CAMTA1: variants seen among roughly 807,000 people sequenced by gnomAD.
CAMTA1 encodes calmodulin-binding transcription activator 1.
In CAMTA1, 27 loss-of-function variants were observed where a neutral mutation model predicts 170.9. The observed-to-expected ratio is 0.16, with a 90% CI of 0.12 to 0.22. The LOEUF (loss-of-function observed/expected upper bound fraction) is 0.22. Ranked by LOEUF, CAMTA1 falls within the 10% of genes least tolerant of loss-of-function variation. The pLI, the probability that CAMTA1 is intolerant of heterozygous loss-of-function variation, is 1.00. For missense variants in CAMTA1, 1,619 were observed against 2,217.2 expected (o/e 0.73, Z 5.42); for synonymous variants, 833 against 891.5 (o/e 0.93, Z 1.17).
intron 3 of CAMTA1, among the ~76,000 whole-genome samples, chr1:6,896,210 C>G (rs1356462514): frequency 1.3e-5 from 2 of 152,150 alleles, no homozygotes; most frequent in African/African-American, 2.4e-5. Flanking sequence ...AATGCTTGTA[C>G]TTAAACAGAA....
chr1:7,579,797 C>G (rs1490077819), intron 6 of CAMTA1, among the ~76,000 whole-genome samples: 1 of 152,062 alleles, frequency 6.6e-6, no homozygotes, highest in Non-Finnish European at 1.5e-5. Flanking sequence ...TGACCTCAAG[C>G]AATCCACCAG....
intron 11 of CAMTA1, chr1:7,698,715 G>C (rs1444560575): frequency 6.6e-6 from 1 of 152,386 alleles, no homozygotes; most frequent in South Asian, 2.1e-4. Flanking sequence ...TTCTCGCCAG[G>C]ATCCCCAGCT....
At chr1:6,906,156 G>A (rs1381301194) in intron 3 of CAMTA1, among the ~76,000 whole-genome samples, 5 of 138,650 alleles carry the variant, frequency 3.6e-5, no homozygotes, top group African/African-American at 1.3e-4. Flanking sequence ...TAAGAAGAGG[G>A]ATTCCCTCTT....
intron 5 of CAMTA1, among the ~76,000 whole-genome samples, chr1:7,374,697 G>A (rs59804293): frequency 0.048 from 7,339 of 152,284 alleles, 369 homozygotes; most frequent in African/African-American, 0.13. Context: ...GGGCATGCAC[G>A]CTCACCAGAT....
In CAMTA1 at chr1:6,949,845, G is replaced by T. The variant is rs75798809; in HGVS notation, c.234+124635G>T. Reference sequence around the variant, plus strand: ...TGACCAGGCCTTCTGCCCTCGGCACGCCAGGCCCTTCTGCGTCATTATCTC... The same window carrying T: ...TGACCAGGCCTTCTGCCCTCGGCACTCCAGGCCCTTCTGCGTCATTATCTC... On this transcript the variant is annotated intron_variant, in intron 3 of 22. Coordinates refer to ENST00000303635, the MANE Select transcript of CAMTA1 (RefSeq NM_015215.4). Among the ~76,000 whole-genome samples, 182 of 152,380 alleles carry T rather than the reference G, an allele frequency of 1.2e-3. 1 individual carries two copies. Among genetic ancestry groups the T allele is most frequent in the African/African-American group, 3.6e-3 (151 of 41,600 alleles).
At chr1:7,630,247 G>A (rs908159822) in intron 6 of CAMTA1, among the ~76,000 whole-genome samples, 1 of 152,200 alleles carries the variant, frequency 6.6e-6, no homozygotes, top group African/African-American at 2.4e-5. Flanking sequence ...CCTCTGGAAA[G>A]TGCAGGCAGA....
At chr1:6,812,244 G>A (rs893841241) in intron 1 of CAMTA1, among the ~76,000 whole-genome samples, 1 of 152,218 alleles carries the variant, frequency 6.6e-6, no homozygotes. Flanking sequence ...TAGTATGGGA[G>A]AACTGGTCTG....
Position 7,093,010 on chromosome 1 carries a change from C to T in CAMTA1, c.302+1639C>T, listed in dbSNP as rs1641661615. ...AAGAATGGGGCTGGGAAGGACATCCCTCCACAGAGTGGGGGCAGGGGTGGG... is the reference window on the plus strand; with the variant it reads ...AAGAATGGGGCTGGGAAGGACATCCTTCCACAGAGTGGGGGCAGGGGTGGG... On this transcript the variant is annotated intron_variant, in intron 4 of 22. Transcript: ENST00000303635. The surrounding 1 kb of genome is among the most constrained non-coding windows in gnomAD (Gnocchi z 4.6). Among the ~76,000 whole-genome samples, 1 of 152,222 alleles carries T rather than the reference C, an allele frequency of 6.6e-6. No homozygotes were observed. The highest frequency in any genetic ancestry group is 2.4e-5 in the African/African-American group (1 of 41,456).
At chr1:7,720,373 TTTTG>T (rs1007238816) in intron 11 of CAMTA1, among the ~76,000 whole-genome samples, 8 of 152,096 alleles carry the variant, frequency 5.3e-5, no homozygotes, top group South Asian at 2.1e-4. Context: ...GGGTGGTTTT[TTTTG>T]TTTGTTTGTT....
chr1:7,024,761 T>G (rs758234138), intron 3 of CAMTA1, among the ~76,000 whole-genome samples: 1 of 152,050 alleles, frequency 6.6e-6, no homozygotes, highest in Non-Finnish European at 1.5e-5. Flanking sequence ...CTCCTATTAA[T>G]AAGGAAAAAA....
chr1:7,569,606 C>T (rs889248318), intron 6 of CAMTA1, among the ~76,000 whole-genome samples: 3 of 151,768 alleles, frequency 2.0e-5, no homozygotes, highest in Non-Finnish European at 4.4e-5. Flanking sequence ...AGTGTCATCA[C>T]CACCATCACC....
At chr1:7,391,203 G>T (rs1444955941) in intron 5 of CAMTA1, among the ~76,000 whole-genome samples, 1 of 152,114 alleles carries the variant, frequency 6.6e-6, no homozygotes, top group East Asian at 1.9e-4. Flanking sequence ...CTCCATGTTG[G>T]TCAGGCTGGT....
At chr1:7,310,606 TTCTTTC>T (rs1557489859) in intron 5 of CAMTA1, among the ~76,000 whole-genome samples, 7 of 11,306 alleles carry the variant, frequency 6.2e-4, no homozygotes, top group Admixed American at 1.7e-3. Context: ...TTTCTTTTCT[TTCTTTC>T]TTTCTTTCTT....
chr1:6,790,587 T>C (rs1424989210), intron 1 of CAMTA1, among the ~76,000 whole-genome samples: 1 of 152,150 alleles, frequency 6.6e-6, no homozygotes, highest in Non-Finnish European at 1.5e-5. Flanking sequence ...GAAAAATATT[T>C]TTTTCTTCGG....
intron 4 of CAMTA1, among the ~76,000 whole-genome samples, chr1:7,091,596 T>C (rs1049459713): frequency 4.6e-5 from 7 of 152,200 alleles, no homozygotes; most frequent in African/African-American, 1.7e-4. Flanking sequence ...GTTGGAACTT[T>C]TAACCTGACG....
At chr1:7,323,081 A>T (rs1332247869) in intron 5 of CAMTA1, among the ~76,000 whole-genome samples, 3 of 117,844 alleles carry the variant, frequency 2.5e-5, no homozygotes, top group African/African-American at 9.9e-5. Context: ...CTATTGTTTT[A>T]TTTTGTTCTA....
chr1:7,736,110 C>T lies in CAMTA1; in HGVS notation c.3067-234C>T, dbSNP rs1280546385. On this transcript the variant is annotated intron_variant, in intron 12 of 22. Coordinates refer to ENST00000303635, the MANE Select transcript of CAMTA1 (RefSeq NM_015215.4). The surrounding 1 kb of genome is among the most constrained non-coding windows in gnomAD (Gnocchi z 4.5). ...ACTTTTTGTAGAGACAGGGTCTCAC[C>T]ATGTTGCCCAGGCTGGTCTCAAACT... Among the ~76,000 whole-genome samples the T allele has an allele frequency of 6.6e-6, 1 of 151,832 alleles. No homozygotes were observed. The highest frequency in any genetic ancestry group is 2.4e-5 in the African/African-American group (1 of 41,328).
intron 3 of CAMTA1, among the ~76,000 whole-genome samples, chr1:6,941,186 A>G (rs772284647): frequency 2.6e-5 from 4 of 152,044 alleles, no homozygotes; most frequent in Non-Finnish European, 4.4e-5. Context: ...GAAGATCCCC[A>G]TAGCTCTCAA....
At chr1:7,084,164 C>CATAT (rs980857658) in intron 3 of CAMTA1, among the ~76,000 whole-genome samples, 4 of 151,192 alleles carry the variant, frequency 2.6e-5, no homozygotes, top group African/African-American at 9.7e-5. Context: ...TGTATAAATA[C>CATAT]ATATATATAT....
Sources: gnomAD v4.1 joint callset for allele counts (sites outside exome capture counted in the v4.1 genomes callset) on GRCh38, gnomAD v4.1.1 for gene constraint, Gnocchi (gnomAD v3.1) non-coding constraint, MANE v1.5 for transcripts, NCBI Gene and HGNC (gene_info 2026-07-23, HGNC 2026-07-21) for gene names.